Variants in KDM7A observed in about 807,000 individuals in gnomAD.
KDM7A encodes the protein lysine-specific demethylase 7A.
In KDM7A, 28 loss-of-function variants were observed where a neutral mutation model predicts 114.8. That is an observed-to-expected ratio of 0.24 (90% CI 0.18 to 0.33). The LOEUF (loss-of-function observed/expected upper bound fraction) is 0.33, where lower values mean the gene tolerates loss of function less well. Ranked by LOEUF, KDM7A falls within the 10% of genes least tolerant of loss-of-function variation. KDM7A has a pLI of 1.00. For missense variants in KDM7A, 942 were observed against 1,142.5 expected, an observed-to-expected ratio of 0.82 and a Z score of 2.53; for synonymous variants, 423 against 397.8, an observed-to-expected ratio of 1.06 and a Z score of -0.75.
intron 1 of KDM7A, among the ~76,000 whole-genome samples, chr7:140,169,612 G>A (rs550131970): frequency 1.2e-4 from 18 of 152,070 alleles, no homozygotes; most frequent in African/African-American, 4.1e-4. Flanking sequence ...TGCAACCTCC[G>A]CCTCCCGGTT....
intron 1 of KDM7A, among the ~76,000 whole-genome samples, chr7:140,159,727 G>T (rs892547872): frequency 6.6e-6 from 1 of 152,074 alleles, no homozygotes; most frequent in East Asian, 1.9e-4. Flanking sequence ...GTAAAATAGG[G>T]AGGAATCAAG....
chr7:140,128,754 A>T (rs999373900), intron 4 of KDM7A, among the ~76,000 whole-genome samples: 1 of 152,260 alleles, frequency 6.6e-6, no homozygotes, highest in East Asian at 1.9e-4. Flanking sequence ...TAGTAAATAT[A>T]CAATTTTGAG....
Position 140,091,124 on chromosome 7 carries a change from G to C in KDM7A, c.2796C>G (p.Asn932Lys). Reference sequence around the variant, plus strand: ...CAAAGAAACGTGCATGGCCATTTCTGTTCAACTTAAGGATCTTCCCAAGAC... The same window carrying C: ...CAAAGAAACGTGCATGGCCATTTCTCTTCAACTTAAGGATCTTCCCAAGAC... Reference protein sequence around the residue: ...KQRLGKILKLNRNGHARFFV With the variant: ...KQRLGKILKLKRNGHARFFV The change falls in exon 20 of 20, where the codon AAC (asparagine) becomes AAG (lysine). Residue 932 changes from asparagine to lysine, a missense_variant. This residue lies in a region of KDM7A where 512 missense variants were observed against 576.6 expected (regional missense o/e 0.89). Transcript: ENST00000397560. The C allele has an allele frequency of 6.2e-7, 1 of 1,614,072 alleles. No homozygotes were observed. The highest frequency in any genetic ancestry group is 8.5e-7 in the Non-Finnish European group (1 of 1,179,882).
At chr7:140,105,250 T>C (rs1454314932) in intron 11 of KDM7A, among the ~76,000 whole-genome samples, 2 of 152,218 alleles carry the variant, frequency 1.3e-5, no homozygotes, top group South Asian at 2.1e-4. Flanking sequence ...ACAATTTGAC[T>C]TCCTCTCTTC....
rs528893507 is a variant in KDM7A, at chr7:140,096,806, T to G, written c.2166-43A>C. On this transcript the variant is annotated intron_variant, in intron 16 of 19. Coordinates refer to ENST00000397560, the MANE Select transcript of KDM7A (RefSeq NM_030647.2). ...CAAAAACACAAGAGTCTATTTTTTCTGATGACATTTTTGGTAAAATTTAAA... is the reference window on the plus strand; with the variant it reads ...CAAAAACACAAGAGTCTATTTTTTCGGATGACATTTTTGGTAAAATTTAAA... The G allele has an allele frequency of 6.8e-5, 109 of 1,595,528 alleles. 1 individual carries two copies. In the South Asian group the frequency reaches 1.2e-3, roughly 17 times the overall value.
At chr7:140,161,855 T>G (rs1194606487) in intron 1 of KDM7A, among the ~76,000 whole-genome samples, 1 of 152,100 alleles carries the variant, frequency 6.6e-6, no homozygotes, top group East Asian at 1.9e-4. Context: ...AATATTAAAG[T>G]ATTCAAGGGA....
chr7:140,100,823 T>G (rs1818213987), intron 12 of KDM7A, among the ~76,000 whole-genome samples: 1 of 149,798 alleles, frequency 6.7e-6, no homozygotes, highest in Non-Finnish European at 1.5e-5. Context: ...TGCAATGGCA[T>G]GATCTCGGCT....
intron 1 of KDM7A, among the ~76,000 whole-genome samples, chr7:140,175,879 T>C (rs1301407426): frequency 6.6e-6 from 1 of 152,014 alleles, no homozygotes; most frequent in Non-Finnish European, 1.5e-5. Flanking sequence ...CGATGGCAAC[T>C]GCACTCTTTG....
intron 1 of KDM7A, among the ~76,000 whole-genome samples, chr7:140,142,270 G>C (rs1166805008): frequency 6.6e-6 from 1 of 151,118 alleles, no homozygotes; most frequent in Non-Finnish European, 1.5e-5. Flanking sequence ...CCATAAGGGG[G>C]AAAACTGATA....
At position 140,084,928 on chromosome 7, in the gene KDM7A, T is replaced by C. The variant is rs969651746; in HGVS notation, c.*6166A>G. On this transcript the variant is annotated 3_prime_UTR_variant, in exon 20 of 20. Coordinates refer to ENST00000397560, the MANE Select transcript of KDM7A (RefSeq NM_030647.2). ...AATTGGAAAGAATACTAAATACAAC[T>C]TTAAACAAGTCACTTGTCCTCCCCT... 6.6e-5 allele frequency: 10 copies of C among 152,180 alleles called. No individual in the cohort carries two copies. The highest frequency in any genetic ancestry group is 2.4e-4 in the African/African-American group (10 of 41,436). The allele number at this position is 152,180 out of a possible 1,614,324, so 9.4% of individuals were successfully genotyped here.
rs1389322847 is a variant in KDM7A at position 140,176,860 on chromosome 7, G to A, written c.78C>T (p.Pro26=). Residue 26 remains proline (P), a synonymous_variant, in exon 1 of 20, where the codon CCC becomes CCT. Transcript: ENST00000397560. The surrounding 1 kb of genome is among the most constrained non-coding windows in gnomAD (Gnocchi z 4.4). ...AAAAAVSVAA[P]GRASAPPPPP... is the part of the protein sequence containing the mutation. ...GCGGCGGAGGCGCCGAGGCCCGGCC[G>A]GGAGCCGCCACCGACACGGCTGCCG... 6.2e-6 allele frequency: 8 copies of A among 1,282,294 alleles called. No homozygotes were observed. Among genetic ancestry groups the A allele is most frequent in the African/African-American group, 4.7e-5 (3 of 63,606 alleles). The allele number at this position is 1,282,294 out of a possible 1,614,324, so 79.4% of individuals were successfully genotyped here. A position where few individuals can be genotyped will look rare whatever the true frequency, so the allele number is the denominator to read the frequency against.
Position 140,093,952 on chromosome 7 carries a change from A to G in KDM7A, c.2457+104T>C, listed in dbSNP as rs150459758. 6,615 of 762,984 alleles carry G rather than the reference A, an allele frequency of 8.7e-3. 228 individuals are homozygous for G. Among genetic ancestry groups the G allele is most frequent in the Admixed American group, 0.079 (4,203 of 52,952 alleles). The allele number at this position is 762,984 out of a possible 1,614,324, so 47.3% of individuals were successfully genotyped here. On this transcript the variant is annotated intron_variant, in intron 18 of 19. Transcript: ENST00000397560. Reference sequence around the variant, plus strand: ...TAACTGTAATTTTCTGGCTGCCTAGATCTAGCAGTTGATAACTGGTTGTTA... The same window carrying G: ...TAACTGTAATTTTCTGGCTGCCTAGGTCTAGCAGTTGATAACTGGTTGTTA...
chr7:140,141,903 G>T (rs1027308624), intron 1 of KDM7A, among the ~76,000 whole-genome samples: 1 of 150,238 alleles, frequency 6.7e-6, no homozygotes, highest in African/African-American at 2.4e-5. Flanking sequence ...CAAAAAAAAA[G>T]AAAGATATAT....
At chr7:140,152,251 G>T (rs954664516) in intron 1 of KDM7A, among the ~76,000 whole-genome samples, 2 of 152,128 alleles carry the variant, frequency 1.3e-5, no homozygotes, top group Non-Finnish European at 2.9e-5. Flanking sequence ...TACAGTAGGG[G>T]TCTGAACCAC....
At chr7:140,128,006 A>G (rs77155815) in intron 4 of KDM7A, among the ~76,000 whole-genome samples, 1 of 151,966 alleles carries the variant, frequency 6.6e-6, no homozygotes, top group African/African-American at 2.4e-5. Context: ...AACACCTAAA[A>G]TATTCTAAGG....
chr7:140,096,614 C>T lies in KDM7A; in HGVS notation c.2315G>A (p.Cys772Tyr). The change falls in exon 17 of 20, where the codon TGC becomes TAC. Residue 772 changes from cysteine (C) to tyrosine (Y), a missense_variant. By Grantham distance (194) the Cys-to-Tyr change is radical (BLOSUM62 -2). Coordinates refer to ENST00000397560, the MANE Select transcript of KDM7A (RefSeq NM_030647.2). The part of the protein sequence containing the change: ...ERNSLQDPSS[C>Y]HGSNHEVRQL... The stretch of plus-strand genomic sequence containing the variant: ...CCTAACCTCATGGTTACTGCCATGG[C>T]AGCTGCTGGGATCCTGGAGAGAGTT... 6.2e-7 allele frequency: 1 copy of T among 1,614,184 alleles called. No homozygotes were observed. The highest frequency in any genetic ancestry group is 8.5e-7 in the Non-Finnish European group (1 of 1,180,012).
chr7:140,096,904 A>C lies in KDM7A; in HGVS notation c.2160T>G (p.Ile720Met), dbSNP rs777450742. 1 of 1,613,578 alleles carries C rather than the reference A, an allele frequency of 6.2e-7. No homozygotes were observed. Among genetic ancestry groups the C allele is most frequent in the Non-Finnish European group, 8.5e-7 (1 of 1,179,720 alleles). The change falls in exon 16 of 20, where the codon ATT (isoleucine) becomes ATG (methionine). Residue 720 changes from isoleucine to methionine, a missense_variant. Ile to Met is a conservative substitution (Grantham distance 10). Transcript: ENST00000397560. ...SQKPSRSEIPIKRECPTSTST... is the reference protein window; with the variant it reads ...SQKPSRSEIPMKRECPTSTST... ...ACTACTATCAGCAAGCCTACCTTTTAATTGGAATTTCACTTCTAGATGGCT... is the reference window on the plus strand; with the variant it reads ...ACTACTATCAGCAAGCCTACCTTTTCATTGGAATTTCACTTCTAGATGGCT...
intron 1 of KDM7A, among the ~76,000 whole-genome samples, chr7:140,152,706 A>G (rs1794414706): frequency 6.6e-6 from 1 of 152,188 alleles, no homozygotes; most frequent in South Asian, 2.1e-4. Flanking sequence ...AGTTGCCAGG[A>G]AAGGTCAACA....
At position 140,124,640 on chromosome 7, in the gene KDM7A, A is replaced by C; in HGVS notation, c.1032T>G (p.His344Gln). ...KCYKCVVKQG[H>Q]TLFVPTGWIH... The stretch of plus-strand genomic sequence containing the variant: ...CCTTACCTGTAGGAACAAATAAGGT[A>C]TGTCCCTGCTTTACCACACATTTGT... The change falls in exon 7 of 20, where the codon CAT becomes CAG. Residue 344 changes from histidine to glutamine, a missense_variant. By Grantham distance (24) the His-to-Gln change is conservative. Around this residue, in one of 4 missense-constraint regions of KDM7A, gnomAD observed 318 missense variants for 453.1 expected, o/e 0.70. Coordinates refer to ENST00000397560, the MANE Select transcript of KDM7A (RefSeq NM_030647.2). 6.2e-7 allele frequency: 1 copy of C among 1,612,052 alleles called. No homozygotes were observed. The highest frequency in any genetic ancestry group is 1.7e-5 in the Admixed American group (1 of 59,610).
Sources: allele counts gnomAD v4.1 joint callset (sites outside exome capture counted in the v4.1 genomes callset), GRCh38; gene constraint gnomAD v4.1.1; regional missense constraint gnomAD v4.1.1; non-coding constraint Gnocchi (gnomAD v3.1); transcripts MANE v1.5; gene names NCBI Gene and HGNC (gene_info 2026-07-23, HGNC 2026-07-21).